PRKCZ: variants seen among roughly 807,000 people sequenced by gnomAD.
PRKCZ encodes the protein protein kinase C zeta.
A neutral mutation model predicts 79.5 loss-of-function variants in PRKCZ; 33 were observed. That is an observed-to-expected ratio of 0.41 (90% CI 0.31 to 0.55). The LOEUF is 0.55. Ranked by LOEUF, PRKCZ falls within the 20% of genes least tolerant of loss-of-function variation. The pLI, the probability that PRKCZ is intolerant of heterozygous loss-of-function variation, is 0.19. For missense variants in PRKCZ, 578 were observed against 813.5 expected, an observed-to-expected ratio of 0.71 and a Z score of 3.52; for synonymous variants, 342 against 320.9, an observed-to-expected ratio of 1.07 and a Z score of -0.70.
In PRKCZ at chr1:2,094,471, G is replaced by T. The variant is rs1262237137; in HGVS notation, c.334+34880G>T. The stretch of plus-strand genomic sequence containing the variant: ...CGCTGTGCCCGGCTCGTTGAACCTT[G>T]GGCGCTGCCCGTTCTGAGGCGCCCT... On this transcript the variant is annotated intron_variant, in intron 4 of 17. Transcript: ENST00000378567. This position sits in a 1 kb window ranked among gnomAD's most constrained non-coding sequence, Gnocchi z 7.3. Among the ~76,000 whole-genome samples the T allele has an allele frequency of 6.9e-6, 1 of 144,694 alleles. No individual in the cohort carries two copies. Among genetic ancestry groups the T allele is most frequent in the Admixed American group, 6.8e-5 (1 of 14,688 alleles). The allele number at this position is 144,694 out of a possible 152,430, so 94.9% of individuals were successfully genotyped here.
In PRKCZ at chr1:2,175,299, A is replaced by G; in HGVS notation, c.1561A>G (p.Ile521Val). ...CAAGTCCCACGCGTTCTTCCGCAGC[A>G]TAGACTGGGACTTGGTAAAGCATCA... is the stretch of plus-strand genomic sequence containing the variant. ...DIKSHAFFRS[I>V]DWDLLEKKQA... Residue 521 changes from isoleucine (I) to valine (V), a missense_variant, in exon 16 of 18, where the codon ATA becomes GTA. Coordinates refer to ENST00000378567, the MANE Select transcript of PRKCZ (RefSeq NM_002744.6). 1.9e-6 allele frequency: 3 copies of G among 1,613,394 alleles called. No homozygotes were observed. The highest frequency in any genetic ancestry group is 2.5e-6 in the Non-Finnish European group (3 of 1,179,568).
intron 10 of PRKCZ, among the ~76,000 whole-genome samples, chr1:2,163,672 C>T (rs900615622): frequency 2.6e-5 from 4 of 151,598 alleles, no homozygotes; most frequent in Non-Finnish European, 5.9e-5. Flanking sequence ...GGGTAGATCA[C>T]GAGGTCAGGA....
chr1:2,148,503 G>A (rs1480018826), intron 7 of PRKCZ, among the ~76,000 whole-genome samples: 3 of 151,966 alleles, frequency 2.0e-5, no homozygotes, highest in Non-Finnish European at 2.9e-5. Flanking sequence ...CCATCTATCC[G>A]TCTTCTATCC....
At position 2,066,368 on chromosome 1, in the gene PRKCZ, CTCTG is replaced by C. The variant is rs1237943239; in HGVS notation, c.334+6785_334+6788del. ...GGAGGTTCTCTTTCTTTCTCTCTCT[CTCTG>C]TCTGTCTCTCTGATGGAGAGAGTGC... is the stretch of plus-strand genomic sequence containing the variant. On this transcript the variant is annotated intron_variant, in intron 4 of 17. Transcript: ENST00000378567. Among the ~76,000 whole-genome samples the C allele has an allele frequency of 1.4e-4, 21 of 152,320 alleles. No individual in the cohort carries two copies. The South Asian group carries it at 4.2e-3, about 30-fold the overall frequency.
Position 2,172,229 on chromosome 1 carries a change from G to A in PRKCZ, c.1197+39G>A, listed in dbSNP as rs765072584. On this transcript the variant is annotated intron_variant, in intron 12 of 17. Coordinates refer to ENST00000378567, the MANE Select transcript of PRKCZ (RefSeq NM_002744.6). This position sits in a 1 kb window ranked among gnomAD's most constrained non-coding sequence, Gnocchi z 7.8. ...ACCGCCTCCCCTGACCATCCCGCAT[G>A]TGCGTCTCGGGGCGCCTGTCCCGCG... The A allele has an allele frequency of 1.9e-6, 3 of 1,613,364 alleles. No individual in the cohort carries two copies. Among genetic ancestry groups the A allele is most frequent in the East Asian group, 2.2e-5 (1 of 44,898 alleles).
intron 4 of PRKCZ, among the ~76,000 whole-genome samples, chr1:2,064,350 G>A (rs1660951753): frequency 6.6e-6 from 1 of 151,958 alleles, no homozygotes; most frequent in Admixed American, 6.5e-5. Context: ...GCCTTTTGAT[G>A]GACAAAGTTT....
At chr1:2,092,454 G>A (rs1054275806) in intron 4 of PRKCZ, among the ~76,000 whole-genome samples, 3 of 152,036 alleles carry the variant, frequency 2.0e-5, no homozygotes, top group South Asian at 2.1e-4. Context: ...GGACTCGGCC[G>A]CGCCCTCCCC....
At chr1:2,066,465 C>T (rs1237057533) in intron 4 of PRKCZ, among the ~76,000 whole-genome samples, 2 of 152,162 alleles carry the variant, frequency 1.3e-5, no homozygotes, top group African/African-American at 4.8e-5. Flanking sequence ...GCCTCAGCCT[C>T]CTGAGTAGCT....
intron 4 of PRKCZ, among the ~76,000 whole-genome samples, chr1:2,106,619 AGGTAACTCTCAGCAAGCCCCTCTGGTG>A (rs1258082738): frequency 1.7e-5 from 1 of 57,474 alleles, no homozygotes; most frequent in East Asian, 4.5e-4. Context: ...TCACCAGGCC[AGGTAACTCTCAGCAAGCCCCTCTGGTG>A]GGCGAGGACC....
chr1:2,064,579 G>C (rs1036637314), intron 4 of PRKCZ, among the ~76,000 whole-genome samples: 4 of 152,142 alleles, frequency 2.6e-5, no homozygotes, highest in African/African-American at 9.7e-5. Flanking sequence ...TCATTCCTTT[G>C]CATGTGGAGG....
chr1:2,144,031 C>G (rs1677960351), intron 5 of PRKCZ, 179 bp from the exon 6 acceptor site: 1 of 832,154 alleles, frequency 1.2e-6, no homozygotes, highest in Non-Finnish European at 1.8e-6. Context: ...TGGGATAGAC[C>G]CAAGAGGAGG....
chr1:2,176,995 A>C (rs929852958), intron 16 of PRKCZ, among the ~76,000 whole-genome samples: 1 of 152,218 alleles, frequency 6.6e-6, no homozygotes, highest in Non-Finnish European at 1.5e-5. Flanking sequence ...CAAATTCTTC[A>C]TTTAAATTTA....
At chr1:2,052,968 G>A (rs754365337) in intron 1 of PRKCZ, among the ~76,000 whole-genome samples, 4 of 152,038 alleles carry the variant, frequency 2.6e-5, no homozygotes, top group Non-Finnish European at 5.9e-5. Context: ...ACCCCACCCC[G>A]CCCCCTGTGG....
At position 2,059,551 on chromosome 1, in the gene PRKCZ, C is replaced by T; in HGVS notation, c.294C>T (p.Ser98=). Residue 98 remains serine (S), a synonymous_variant, in exon 4 of 18, where the codon AGC becomes AGT. Transcript: ENST00000378567. The part of the protein sequence containing the change: ...DEGLIIHVFP[S]TPEQPGLPCP... ...CTCTCTCTTGTCCAGTTTTCCCGAGCACCCCTGAGCAGCCTGGCCTGCCAT... is the reference window on the plus strand; with the variant it reads ...CTCTCTCTTGTCCAGTTTTCCCGAGTACCCCTGAGCAGCCTGGCCTGCCAT... The T allele has an allele frequency of 6.2e-7, 1 of 1,614,224 alleles. No individual in the cohort carries two copies. The highest frequency in any genetic ancestry group is 8.5e-7 in the Non-Finnish European group (1 of 1,180,038).
intron 16 of PRKCZ, among the ~76,000 whole-genome samples, chr1:2,181,322 C>T (rs1009168674): frequency 1.3e-5 from 2 of 152,098 alleles, no homozygotes; most frequent in Non-Finnish European, 2.9e-5. Flanking sequence ...GATGTCCCTT[C>T]AGAACTAGAG....
At chr1:2,171,071 C>G (rs1413563567) in intron 11 of PRKCZ, among the ~76,000 whole-genome samples, 1 of 152,150 alleles carries the variant, frequency 6.6e-6, no homozygotes, top group Non-Finnish European at 1.5e-5. Context: ...TGGCTCACGC[C>G]TGTAATCCCA....
intron 4 of PRKCZ, among the ~76,000 whole-genome samples, chr1:2,101,093 G>C (rs903839191): frequency 2.6e-5 from 4 of 151,172 alleles, no homozygotes; most frequent in African/African-American, 9.7e-5. Context: ...TCTCCTCTGG[G>C]ACTGGCCCTG....
Position 2,125,781 on chromosome 1 carries a change from C to T in PRKCZ, c.335-9481C>T, listed in dbSNP as rs372225702. Among the ~76,000 whole-genome samples, 11 of 152,344 alleles carry T rather than the reference C, an allele frequency of 7.2e-5. No homozygotes were observed. Among genetic ancestry groups the T allele is most frequent in the East Asian group, 5.8e-4 (3 of 5,190 alleles). On this transcript the variant is annotated intron_variant, in intron 4 of 17. Coordinates refer to ENST00000378567, the MANE Select transcript of PRKCZ (RefSeq NM_002744.6). This position sits in a 1 kb window ranked among gnomAD's most constrained non-coding sequence, Gnocchi z 4.2. ...TCAGGGTCCCTCCAGCAGTCCATGC[C>T]GCAGAGGCTGTCCCTTGGGGGCCCA... is the stretch of plus-strand genomic sequence containing the variant.
intron 1 of PRKCZ, among the ~76,000 whole-genome samples, chr1:2,051,973 A>G (rs536315469): frequency 2.6e-5 from 4 of 152,252 alleles, no homozygotes; most frequent in African/African-American, 7.2e-5. Flanking sequence ...CTGACCGTCC[A>G]GCCCTACCTG....
Sources: allele counts gnomAD v4.1 joint callset (sites outside exome capture counted in the v4.1 genomes callset), GRCh38; gene constraint gnomAD v4.1.1; non-coding constraint Gnocchi (gnomAD v3.1); transcripts MANE v1.5; gene names NCBI Gene and HGNC (gene_info 2026-07-23, HGNC 2026-07-21).